Variants in SOX5 observed in about 807,000 individuals in gnomAD.
SOX5 encodes the protein transcription factor SOX-5.
In SOX5, 9 loss-of-function variants were observed where a neutral mutation model predicts 92.0. The ratio of observed to expected loss-of-function variants is 0.10; its 90% CI spans 0.06 to 0.17. SOX5 has a LOEUF of 0.17. SOX5 is among the 10% of genes least tolerant of loss of function. The probability of loss-of-function intolerance (pLI) is 1.00; values close to 1 mark genes in which losing one functional copy is unlikely to be tolerated. For missense variants in SOX5, 642 were observed against 944.5 expected (o/e 0.68, Z 4.20); for synonymous variants, 344 against 336.3 (o/e 1.02, Z -0.25).
intron 1 of SOX5, among the ~76,000 whole-genome samples, chr12:24,492,999 T>G (rs1947247105): frequency 6.6e-6 from 1 of 152,196 alleles, no homozygotes; most frequent in Admixed American, 6.6e-5. Flanking sequence ...TAACCTGGTC[T>G]TTCCCAGTAC....
At chr12:23,673,446 C>T (rs2085132577) in intron 6 of SOX5, among the ~76,000 whole-genome samples, 1 of 152,006 alleles carries the variant, frequency 6.6e-6, no homozygotes, top group Non-Finnish European at 1.5e-5. Flanking sequence ...GCAAATACTG[C>T]TAGTACAATC....
chr12:23,860,963 A>ACAAAC (rs202034713), intron 2 of SOX5, among the ~76,000 whole-genome samples: 11 of 145,974 alleles, frequency 7.5e-5, no homozygotes, highest in Admixed American at 4.1e-4. Flanking sequence ...AAAAAAAAAA[A>ACAAAC]AAAAAAAAAA....
At chr12:24,232,881 G>A (rs1346979150) in intron 3 of SOX5, among the ~76,000 whole-genome samples, 1 of 152,124 alleles carries the variant, frequency 6.6e-6, no homozygotes, top group Non-Finnish European at 1.5e-5. Context: ...TGGATGATCT[G>A]TCAATGCTAT....
intron 1 of SOX5, among the ~76,000 whole-genome samples, chr12:24,530,019 C>CAAA (rs34105691): frequency 8.4e-4 from 61 of 72,908 alleles, no homozygotes; most frequent in Non-Finnish European, 1.2e-3. Flanking sequence ...GACTCCGTCT[C>CAAA]AAAAAAAAAA....
chr12:23,763,577 G>A (rs2094622359), intron 3 of SOX5, among the ~76,000 whole-genome samples: 1 of 152,050 alleles, frequency 6.6e-6, no homozygotes, highest in Admixed American at 6.6e-5. Context: ...GGACTGGGGA[G>A]GTGCCACTTC....
chr12:23,794,379 AT>A (rs1227151813), intron 3 of SOX5, among the ~76,000 whole-genome samples: 1 of 152,058 alleles, frequency 6.6e-6, no homozygotes, highest in Non-Finnish European at 1.5e-5. Flanking sequence ...ATGTCAACAT[AT>A]TTTTTCACAG....
intron 1 of SOX5, among the ~76,000 whole-genome samples, chr12:23,929,218 T>TA (rs1346797676): frequency 6.6e-6 from 1 of 151,928 alleles, no homozygotes; most frequent in Non-Finnish European, 1.5e-5. Context: ...TTAAAGTCTG[T>TA]AAAAAACCAA....
intron 3 of SOX5, among the ~76,000 whole-genome samples, chr12:24,254,667 A>G (rs761951121): frequency 1.3e-5 from 2 of 151,310 alleles, no homozygotes; most frequent in Admixed American, 6.6e-5. Context: ...TTTTAAGTTG[A>G]ACTATTATAA....
chr12:24,034,149 C>T (rs117807309), intron 4 of SOX5, among the ~76,000 whole-genome samples: 3 of 152,108 alleles, frequency 2.0e-5, no homozygotes, highest in Non-Finnish European at 2.9e-5. Flanking sequence ...GATTGATTGT[C>T]ACCAAGAGTT....
chr12:24,375,690 C>A (rs1211751265), intron 1 of SOX5, among the ~76,000 whole-genome samples: 1 of 144,824 alleles, frequency 6.9e-6, no homozygotes, highest in African/African-American at 2.6e-5. Flanking sequence ...GAGGCAAGAT[C>A]ACGCCATTGC....
At chr12:23,998,733 G>A (rs577763342) in intron 4 of SOX5, among the ~76,000 whole-genome samples, 20 of 149,352 alleles carry the variant, frequency 1.3e-4, no homozygotes, top group East Asian at 6.0e-4. Flanking sequence ...CCTCGGAGGC[G>A]GAGGTTGCAA....
intron 2 of SOX5, among the ~76,000 whole-genome samples, chr12:24,347,917 G>A (rs1443648717): frequency 6.6e-6 from 1 of 152,120 alleles, no homozygotes. Context: ...TTCCAGAGAT[G>A]CTTTGAAGTA....
At chr12:24,532,337 T>C (rs188458250) in intron 1 of SOX5, among the ~76,000 whole-genome samples, 2 of 152,320 alleles carry the variant, frequency 1.3e-5, no homozygotes, top group Admixed American at 1.3e-4. Context: ...TTTGAAGCTA[T>C]TGCCTTCTCA....
chr12:24,295,118 TTATAAGTATATATGAGTAAA>T (rs765345116), intron 2 of SOX5, among the ~76,000 whole-genome samples: 181 of 147,772 alleles, frequency 1.2e-3, no homozygotes, highest in African/African-American at 2.1e-3. Flanking sequence ...AAATAAATTT[TTATAAGTATATATGAGTAAA>T]TATAAGTATA....
chr12:24,336,068 G>A (rs1800258285), intron 2 of SOX5, among the ~76,000 whole-genome samples: 1 of 140,978 alleles, frequency 7.1e-6, no homozygotes, highest in Non-Finnish European at 1.5e-5. Context: ...AAAATATGGG[G>A]ATACGTTTTT....
intron 3 of SOX5, among the ~76,000 whole-genome samples, chr12:24,273,567 T>C (rs1944042285): frequency 6.6e-6 from 1 of 152,184 alleles, no homozygotes; most frequent in African/African-American, 2.4e-5. Flanking sequence ...AATCTGCCCA[T>C]TTCTCTTGCA....
chr12:23,598,354 C>G (rs1455465039), intron 9 of SOX5, among the ~76,000 whole-genome samples: 1 of 146,652 alleles, frequency 6.8e-6, no homozygotes, highest in Non-Finnish European at 1.5e-5. Context: ...CCATTTCAAA[C>G]TCATGAAGTC....
At chr12:23,558,852 C>T (rs1159256676) in intron 11 of SOX5, among the ~76,000 whole-genome samples, 1 of 152,206 alleles carries the variant, frequency 6.6e-6, no homozygotes, top group Non-Finnish European at 1.5e-5. Flanking sequence ...ATCCGCCTGC[C>T]TCAGCCTCCC....
At chr12:23,814,984 A>G (rs1457998316) in intron 3 of SOX5, among the ~76,000 whole-genome samples, 1 of 152,206 alleles carries the variant, frequency 6.6e-6, no homozygotes, top group African/African-American at 2.4e-5. Context: ...AAAATAGGTT[A>G]AGAACAGCTA....
Sources: allele counts gnomAD v4.1 joint callset (sites outside exome capture counted in the v4.1 genomes callset), GRCh38; gene constraint gnomAD v4.1.1; transcripts MANE v1.5; gene names NCBI Gene and HGNC (gene_info 2026-07-23, HGNC 2026-07-21).